The following NFIB variants were observed in gnomAD, a reference collection of about 807,000 sequenced individuals.
NFIB encodes nuclear factor 1 B-type.
NFIB carries 11 observed loss-of-function variants against 61.5 expected under a neutral mutation model. That is an observed-to-expected ratio of 0.18 (90% CI 0.11 to 0.30). The LOEUF (loss-of-function observed/expected upper bound fraction) is 0.30, where lower values mean the gene tolerates loss of function less well. Ranked by LOEUF, NFIB falls within the 10% of genes least tolerant of loss-of-function variation. The pLI is 1.00. For missense variants in NFIB, 471 were observed against 608.9 expected (o/e 0.77, Z 2.38); for synonymous variants, 260 against 216.5 (o/e 1.20, Z -1.76).
chr9:14,274,916 G>C (rs1385160902), intron 2 of NFIB, among the ~76,000 whole-genome samples: 1 of 152,128 alleles, frequency 6.6e-6, no homozygotes, highest in Admixed American at 6.6e-5. Flanking sequence ...AAATCCAAGT[G>C]AACTGTATAG....
chr9:14,199,899 A>G (rs995759878), intron 2 of NFIB, among the ~76,000 whole-genome samples: 2 of 152,188 alleles, frequency 1.3e-5, no homozygotes, highest in Non-Finnish European at 2.9e-5. Context: ...TTGCTAAGGT[A>G]TTTCTGTATG....
At chr9:14,127,341 T>G (rs745959705) in intron 6 of NFIB, among the ~76,000 whole-genome samples, 1 of 152,186 alleles carries the variant, frequency 6.6e-6, no homozygotes, top group Non-Finnish European at 1.5e-5. Context: ...AAAATTTGTA[T>G]TTTATTATGA....
At chr9:14,250,608 T>C (rs1157268213) in intron 2 of NFIB, among the ~76,000 whole-genome samples, 1 of 152,238 alleles carries the variant, frequency 6.6e-6, no homozygotes, top group African/African-American at 2.4e-5. Context: ...CTTGCTTATG[T>C]CATAGTTACC....
At chr9:14,305,169 C>T (rs568894700) in intron 2 of NFIB, among the ~76,000 whole-genome samples, 1 of 152,170 alleles carries the variant, frequency 6.6e-6, no homozygotes, top group African/African-American at 2.4e-5. Context: ...CTCTACAAAT[C>T]TTTATTGTCA....
At chr9:14,149,267 A>G (rs2042607381) in intron 5 of NFIB, among the ~76,000 whole-genome samples, 1 of 152,186 alleles carries the variant, frequency 6.6e-6, no homozygotes, top group South Asian at 2.1e-4. Flanking sequence ...TAATTAATTC[A>G]AATTCAACGA....
the NFIB span, among the ~76,000 whole-genome samples, chr9:14,451,755 A>G: frequency 5.4e-4 from 83 of 152,296 alleles, no homozygotes; most frequent in Non-Finnish European, 1.1e-3. Context: ...CCTAATGGGA[A>G]TATTTCTGTT....
chr9:14,173,545 T>G (rs1339872444), intron 3 of NFIB, among the ~76,000 whole-genome samples: 1 of 152,232 alleles, frequency 6.6e-6, no homozygotes, highest in Non-Finnish European at 1.5e-5. Context: ...CTCCAGTATC[T>G]AGCCGAGTGT....
Position 14,313,634 on chromosome 9 carries a change from G to A in NFIB, c.-123C>T. The A allele has an allele frequency of 6.4e-7, 1 of 1,565,148 alleles. No homozygotes were observed. The highest frequency in any genetic ancestry group is 1.8e-5 in the Admixed American group (1 of 54,626). Reference sequence around the variant, plus strand: ...ATGCGATCAATCAGGACGGGGCTCTGCGCTGGATCACCGCAACTTCACAAC... The same window carrying A: ...ATGCGATCAATCAGGACGGGGCTCTACGCTGGATCACCGCAACTTCACAAC... On this transcript the variant is annotated 5_prime_UTR_variant, in exon 1 of 11. Transcript: ENST00000380953. The surrounding 1 kb of genome is among the most constrained non-coding windows in gnomAD (Gnocchi z 4.5).
the NFIB span, among the ~76,000 whole-genome samples, chr9:14,474,611 G>A: frequency 6.6e-6 from 1 of 152,078 alleles, no homozygotes; most frequent in East Asian, 1.9e-4. Context: ...TCTGATCTGG[G>A]TGGGACCTAA....
At chr9:14,305,492 A>G (rs2059970403) in intron 2 of NFIB, among the ~76,000 whole-genome samples, 1 of 152,220 alleles carries the variant, frequency 6.6e-6, no homozygotes, top group Non-Finnish European at 1.5e-5. Context: ...TTATTTTAGG[A>G]CACATGGGAC....
the NFIB span, among the ~76,000 whole-genome samples, chr9:14,517,524 G>GTT: frequency 2.6e-5 from 4 of 152,172 alleles, no homozygotes; most frequent in Non-Finnish European, 5.9e-5. Flanking sequence ...TCTGAGCTTA[G>GTT]ACCCTTGTCC....
intron 5 of NFIB, among the ~76,000 whole-genome samples, chr9:14,148,186 G>A (rs911197936): frequency 6.6e-6 from 1 of 152,012 alleles, no homozygotes; most frequent in Non-Finnish European, 1.5e-5. Flanking sequence ...GCAGTTGCAT[G>A]ACCACAGCTC....
At chr9:14,248,970 T>C (rs969807552) in intron 2 of NFIB, among the ~76,000 whole-genome samples, 3 of 152,212 alleles carry the variant, frequency 2.0e-5, no homozygotes, top group African/African-American at 7.2e-5. Context: ...AAACTGTACC[T>C]GCAGATAAAC....
the NFIB span, among the ~76,000 whole-genome samples, chr9:14,509,482 T>C: frequency 2.6e-5 from 4 of 152,228 alleles, no homozygotes; most frequent in Non-Finnish European, 2.9e-5. Flanking sequence ...TTCCTTTTTT[T>C]CTCTGGTATT....
chr9:14,302,144 A>T (rs112966157), intron 2 of NFIB, among the ~76,000 whole-genome samples: 4 of 152,354 alleles, frequency 2.6e-5, no homozygotes, highest in African/African-American at 9.6e-5. Context: ...CCATAATGGG[A>T]AATACCTGCA....
chr9:14,120,753 G>A lies in NFIB; in HGVS notation c.1061-129C>T. On this transcript the variant is annotated intron_variant, in intron 7 of 10. Coordinates refer to ENST00000380953, the MANE Select transcript of NFIB (RefSeq NM_001190737.2). This position sits in a 1 kb window ranked among gnomAD's most constrained non-coding sequence, Gnocchi z 4.4. ...ATTTTTGTCCCCATGATTTAACCAA[G>A]CTCTCCTAAATCAACAGTTACTTTT... 1 of 899,098 alleles carries A rather than the reference G, an allele frequency of 1.1e-6. No homozygotes were observed. The highest frequency in any genetic ancestry group is 1.6e-6 in the Non-Finnish European group (1 of 607,476). The allele number at this position is 899,098 out of a possible 1,614,324, so 55.7% of individuals were successfully genotyped here.
chr9:14,354,301 G>A (rs1341609933), intron 1 of NFIB, among the ~76,000 whole-genome samples: 1 of 152,168 alleles, frequency 6.6e-6, no homozygotes, highest in Non-Finnish European at 1.5e-5. Flanking sequence ...CTTTTGTGGA[G>A]CCTCCTGCAA....
At chr9:14,224,842 G>C (rs769358749) in intron 2 of NFIB, among the ~76,000 whole-genome samples, 1 of 152,174 alleles carries the variant, frequency 6.6e-6, no homozygotes, top group African/African-American at 2.4e-5. Flanking sequence ...TAGGAATACA[G>C]TATCTTCCCT....
chr9:14,183,041 T>G (rs986185288), intron 2 of NFIB, among the ~76,000 whole-genome samples: 2 of 151,784 alleles, frequency 1.3e-5, no homozygotes, highest in South Asian at 2.1e-4. Context: ...AATGAAAAAA[T>G]TAATCATTTT....
Sources: allele counts gnomAD v4.1 joint callset (sites outside exome capture counted in the v4.1 genomes callset), GRCh38; gene constraint gnomAD v4.1.1; non-coding constraint Gnocchi (gnomAD v3.1); transcripts MANE v1.5; gene names NCBI Gene and HGNC (gene_info 2026-07-23, HGNC 2026-07-21).